The following CORIN variants were observed in gnomAD, a reference collection of about 807,000 sequenced individuals.
The protein encoded by CORIN is corin, serine peptidase.
Under a neutral mutation model 125.3 loss-of-function variants are expected in CORIN, and 117 were observed. The observed-to-expected ratio is 0.93, with a 90% confidence interval of 0.80 to 1.09. CORIN has a LOEUF of 1.09. Among genes scored for constraint, CORIN ranks in the 50% least tolerant of loss-of-function variants. CORIN has a pLI of 0.00. For missense variants in CORIN, 1,253 were observed against 1,306.7 expected (o/e 0.96, Z 0.63); for synonymous variants, 450 against 466.4 (o/e 0.96, Z 0.45).
chr4:47,707,997 G>A (rs933465814), intron 5 of CORIN, among the ~76,000 whole-genome samples: 4 of 152,170 alleles, frequency 2.6e-5, no homozygotes, highest in African/African-American at 9.7e-5. Context: ...TGATAACCTC[G>A]TTGACTAGAG....
intron 4 of CORIN, among the ~76,000 whole-genome samples, chr4:47,760,219 C>T (rs1729383691): frequency 6.6e-6 from 1 of 152,170 alleles, no homozygotes; most frequent in Admixed American, 6.5e-5. Context: ...GGCAAGAAAA[C>T]AACATTCATC....
chr4:47,637,600 G>A (rs548914756), intron 16 of CORIN, among the ~76,000 whole-genome samples: 5 of 152,352 alleles, frequency 3.3e-5, no homozygotes, highest in Admixed American at 2.6e-4. Context: ...GCTTCAGAGG[G>A]TGGAAGCCCC....
chr4:47,613,549 G>T (rs1248894278), intron 19 of CORIN, among the ~76,000 whole-genome samples: 2 of 151,936 alleles, frequency 1.3e-5, no homozygotes, highest in Non-Finnish European at 2.9e-5. Context: ...CAAAGACTTG[G>T]AACCAACCCA....
rs142816625 is a variant in CORIN at position 47,780,674 on chromosome 4, C to A, written c.409+6051G>T. Among the ~76,000 whole-genome samples, 7 of 152,140 alleles carry A rather than the reference C, an allele frequency of 4.6e-5. No homozygotes were observed. The East Asian group carries it at 1.2e-3, about 25-fold the overall frequency. On this transcript the variant is annotated intron_variant, in intron 3 of 21. Coordinates refer to ENST00000273857, the MANE Select transcript of CORIN (RefSeq NM_006587.4). The stretch of plus-strand genomic sequence containing the variant: ...CCAGCAATCTGTCTCCCCACCTAGA[C>A]AACAATTGCACTGGCAGAATCTGTC...
rs1273894654 is a variant in CORIN, at chr4:47,642,066, C to A, written c.2069-17G>T. On this transcript the variant is annotated splice_polypyrimidine_tract_variant and intron_variant, in intron 15 of 21. Coordinates refer to ENST00000273857, the MANE Select transcript of CORIN (RefSeq NM_006587.4). The stretch of plus-strand genomic sequence containing the variant: ...AGAGGGTCACTAGGGAAAGAAAAGA[C>A]AAGGGAAACCCTAATTAAAAACATT... 5 of 1,609,516 alleles carry A rather than the reference C, an allele frequency of 3.1e-6. No homozygotes were observed. The African/African-American group carries it at 5.3e-5, about 17-fold the overall frequency.
In CORIN at chr4:47,785,129, G is replaced by A. The variant is rs1730728815; in HGVS notation, c.409+1596C>T. ...CACAAGAAAATGATCATGGTTGGAT[G>A]GGCTTTGTGTAATTTTCAATCACAT... On this transcript the variant is annotated intron_variant, in intron 3 of 21. Transcript: ENST00000273857. 2.6e-5 allele frequency among the ~76,000 whole-genome samples: 4 copies of A among 152,280 alleles called. No homozygotes were observed. The South Asian group carries it at 8.3e-4, about 32-fold the overall frequency.
Position 47,653,673 on chromosome 4 carries a change from A to T in CORIN, c.1736-13T>A. On this transcript the variant is annotated splice_polypyrimidine_tract_variant and intron_variant, in intron 12 of 21. Coordinates refer to ENST00000273857, the MANE Select transcript of CORIN (RefSeq NM_006587.4). Reference sequence around the variant, plus strand: ...CTAGGTGAGCATTCTATTAAAAACAATATTACTGTTAAAGGGCTGAAAACC... The same window carrying T: ...CTAGGTGAGCATTCTATTAAAAACATTATTACTGTTAAAGGGCTGAAAACC... The T allele has an allele frequency of 1.2e-6, 2 of 1,605,006 alleles. No homozygotes were observed. The highest frequency in any genetic ancestry group is 4.5e-5 in the East Asian group (2 of 44,786).
At chr4:47,834,079 C>T (rs1583808) in intron 1 of CORIN, among the ~76,000 whole-genome samples, 11,609 of 152,220 alleles carry the variant, frequency 0.076, 675 homozygotes, top group East Asian at 0.31. Flanking sequence ...GATCCCATTT[C>T]TAGATATGTA....
chr4:47,695,141 C>T (rs1725931898), intron 5 of CORIN, among the ~76,000 whole-genome samples: 1 of 152,038 alleles, frequency 6.6e-6, no homozygotes, highest in Admixed American at 6.5e-5. Context: ...AATACAGACT[C>T]CTAAACGATT....
At chr4:47,695,315 G>C (rs1577836080) in intron 5 of CORIN, among the ~76,000 whole-genome samples, 1 of 152,198 alleles carries the variant, frequency 6.6e-6, no homozygotes, top group African/African-American at 2.4e-5. Flanking sequence ...AATTCCATAT[G>C]TCTGCATTTC....
At position 47,750,001 on chromosome 4, in the gene CORIN, C is replaced by T. The variant is rs141871919; in HGVS notation, c.618-5418G>A. ...ATAGCCAAATACTGTGACTCCAGTC[C>T]AGTGCTCCCAAATATCTTGCCTATC... is the stretch of plus-strand genomic sequence containing the variant. On this transcript the variant is annotated intron_variant, in intron 4 of 21. Transcript: ENST00000273857. 7.1e-3 allele frequency among the ~76,000 whole-genome samples: 1,074 copies of T among 152,318 alleles called. 10 individuals carry two copies. The highest frequency in any genetic ancestry group is 0.011 in the Non-Finnish European group (767 of 68,024).
At chr4:47,768,102 C>T (rs2109880282) in intron 3 of CORIN, among the ~76,000 whole-genome samples, 1 of 152,290 alleles carries the variant, frequency 6.6e-6, no homozygotes, top group South Asian at 2.1e-4. Flanking sequence ...TCAAAAGCTC[C>T]CCCACTGAGC....
At chr4:47,670,151 G>A (rs1011820663) in intron 10 of CORIN, among the ~76,000 whole-genome samples, 3 of 152,146 alleles carry the variant, frequency 2.0e-5, no homozygotes, top group African/African-American at 4.8e-5. Context: ...ACAAGAGTGG[G>A]CTGGGCTTCA....
intron 19 of CORIN, among the ~76,000 whole-genome samples, chr4:47,617,207 A>C (rs1398318500): frequency 6.6e-6 from 1 of 152,220 alleles, no homozygotes; most frequent in Non-Finnish European, 1.5e-5. Flanking sequence ...GTATATTGAA[A>C]GTGTCTGATT....
At chr4:47,664,809 C>A (rs888903508) in intron 11 of CORIN, among the ~76,000 whole-genome samples, 3 of 152,184 alleles carry the variant, frequency 2.0e-5, no homozygotes, top group African/African-American at 7.2e-5. Flanking sequence ...AAACTATCAT[C>A]AAAGGACGTT....
At chr4:47,596,308 C>G (rs944388368) in intron 21 of CORIN, among the ~76,000 whole-genome samples, 2 of 151,964 alleles carry the variant, frequency 1.3e-5, no homozygotes, top group Admixed American at 1.3e-4. Context: ...AGATCCCCCC[C>G]ACACACAGTA....
intron 5 of CORIN, among the ~76,000 whole-genome samples, chr4:47,737,037 T>A (rs1378771224): frequency 6.6e-6 from 1 of 152,192 alleles, no homozygotes; most frequent in Non-Finnish European, 1.5e-5. Flanking sequence ...GAATGGAAAT[T>A]ACAGAAATTA....
chr4:47,721,720 C>G (rs1186798887), intron 5 of CORIN, among the ~76,000 whole-genome samples: 1 of 152,156 alleles, frequency 6.6e-6, no homozygotes, highest in African/African-American at 2.4e-5. Flanking sequence ...CACAGTGCTG[C>G]TGGGAGGAGT....
chr4:47,711,003 C>T (rs1726814057), intron 5 of CORIN, among the ~76,000 whole-genome samples: 1 of 152,214 alleles, frequency 6.6e-6, no homozygotes, highest in South Asian at 2.1e-4. Context: ...CTGCAGAAGT[C>T]ACCCACCCAT....
Sources: allele counts gnomAD v4.1 joint callset (sites outside exome capture counted in the v4.1 genomes callset), GRCh38; gene constraint gnomAD v4.1.1; transcripts MANE v1.5; gene names NCBI Gene and HGNC (gene_info 2026-07-23, HGNC 2026-07-21).